Variants in MRC1 observed in about 807,000 individuals in gnomAD.
MRC1 encodes the protein macrophage mannose receptor 1.
MRC1 carries 62 observed loss-of-function variants against 102.9 expected under a neutral mutation model. That is an observed-to-expected ratio of 0.60 (90% CI 0.49 to 0.74). MRC1 has a LOEUF of 0.74. Ranked by LOEUF, MRC1 falls within the 30% of genes least tolerant of loss-of-function variation. The pLI, the probability that MRC1 is intolerant of heterozygous loss-of-function variation, is 0.00. For synonymous variants in MRC1, 457 were observed against 298.4 expected (o/e 1.53, Z -5.48); for missense variants, 1,237 against 862.8 (o/e 1.43, Z -5.43).
intron 1 of MRC1, among the ~76,000 whole-genome samples, chr10:17,813,290 A>G (rs1329449071): frequency 6.6e-6 from 1 of 152,156 alleles, no homozygotes; most frequent in Non-Finnish European, 1.5e-5. Context: ...ATTTGGCTGG[A>G]AGGGATCCAA....
intron 12 of MRC1, among the ~76,000 whole-genome samples, 160 bp from the exon 13 acceptor site, chr10:17,870,086 A>G (rs1833333332): frequency 1.3e-5 from 2 of 152,144 alleles, no homozygotes; most frequent in South Asian, 2.1e-4. Context: ...CCAACTATTC[A>G]CTCATAAACT....
intron 3 of MRC1, among the ~76,000 whole-genome samples, chr10:17,830,602 G>A (rs1554838982): frequency 6.6e-6 from 1 of 151,232 alleles, no homozygotes; most frequent in African/African-American, 2.5e-5. Flanking sequence ...GTGAGAACAG[G>A]TAAAGGAAAA....
intron 16 of MRC1, among the ~76,000 whole-genome samples, chr10:17,874,421 T>G (rs1401236641): frequency 2.0e-5 from 3 of 152,168 alleles, no homozygotes; most frequent in African/African-American, 7.2e-5. Context: ...AGGATACTTG[T>G]TACTACATTT....
At chr10:17,819,662 G>A (rs1838366270) in intron 1 of MRC1, among the ~76,000 whole-genome samples, 1 of 152,194 alleles carries the variant, frequency 6.6e-6, no homozygotes, top group Non-Finnish European at 1.5e-5. Flanking sequence ...GCAGTCTAGA[G>A]CTGGGTGAGG....
chr10:17,909,830 C>T (rs968686705), intron 29 of MRC1, among the ~76,000 whole-genome samples: 11 of 151,982 alleles, frequency 7.2e-5, no homozygotes, highest in African/African-American at 2.7e-4. Context: ...TATGAGTTCA[C>T]GTTTCCACTA....
intron 16 of MRC1, among the ~76,000 whole-genome samples, chr10:17,874,106 G>C (rs987288824): frequency 5.3e-5 from 8 of 152,190 alleles, no homozygotes; most frequent in Non-Finnish European, 1.0e-4. Context: ...ACAGGCTGCT[G>C]TAACCAGTTA....
At chr10:17,843,241 G>A (rs1838776744) in intron 5 of MRC1, among the ~76,000 whole-genome samples, 1 of 152,034 alleles carries the variant, frequency 6.6e-6, no homozygotes, top group Admixed American at 6.6e-5. Flanking sequence ...TTGTTTGAAA[G>A]TTTCTTTTTA....
At chr10:17,852,482 G>C (rs2130646611) in intron 7 of MRC1, among the ~76,000 whole-genome samples, 1 of 152,224 alleles carries the variant, frequency 6.6e-6, no homozygotes. Context: ...TTGATAACAA[G>C]AGTCAGTAAA....
At chr10:17,848,321 G>T (rs1589176205) in intron 6 of MRC1, among the ~76,000 whole-genome samples, 1 of 152,116 alleles carries the variant, frequency 6.6e-6, no homozygotes, top group African/African-American at 2.4e-5. Context: ...GTAATAACAA[G>T]CAGCCATATA....
At chr10:17,865,425 G>A (rs1405849522) in intron 11 of MRC1, 1 of 152,242 alleles carries the variant, frequency 6.6e-6, no homozygotes, top group African/African-American at 2.4e-5. Flanking sequence ...TGTAAGTGAA[G>A]CTGCTGAACT....
chr10:17,886,608 G>C (rs1158259051), intron 22 of MRC1, among the ~76,000 whole-genome samples: 5 of 152,094 alleles, frequency 3.3e-5, no homozygotes, highest in African/African-American at 1.2e-4. Flanking sequence ...TACCATATTG[G>C]CCAGGGTGGC....
At position 17,907,140 on chromosome 10, in the gene MRC1, A is replaced by G. The variant is rs941801661; in HGVS notation, c.3913+141A>G. On this transcript the variant is annotated intron_variant, in intron 27 of 29. Coordinates refer to ENST00000569591, the MANE Select transcript of MRC1 (RefSeq NM_002438.4). ...AAATTCAAACTCATATTTTTATTTAAGAACTGAAATTTAAAATGAGTTTCA... is the reference window on the plus strand; with the variant it reads ...AAATTCAAACTCATATTTTTATTTAGGAACTGAAATTTAAAATGAGTTTCA... 1.9e-5 allele frequency: 13 copies of G among 672,454 alleles called. No individual in the cohort carries two copies. The African/African-American group carries it at 2.2e-4, about 11-fold the overall frequency. The allele number at this position is 672,454 out of a possible 1,614,324, so 41.7% of individuals were successfully genotyped here. A position where few individuals can be genotyped will look rare whatever the true frequency, so the allele number is the denominator to read the frequency against.
intron 3 of MRC1, among the ~76,000 whole-genome samples, chr10:17,832,553 T>A (rs1488403940): frequency 6.7e-5 from 10 of 148,376 alleles, no homozygotes; most frequent in African/African-American, 2.3e-4. Context: ...AGACTCTGTC[T>A]CAAACAAAAC....
At chr10:17,827,449 G>GTAAGAT in intron 2 of MRC1, 93 bp from the exon 3 acceptor site, 1 of 591,220 alleles carries the variant, frequency 1.7e-6, no homozygotes, top group Non-Finnish European at 3.2e-6. Context: ...AATCAGAACA[G>GTAAGAT]TAAGACCAAT....
chr10:17,866,785 T>C, intron 12 of MRC1, 24 bp downstream of exon 12: 1 of 780,760 alleles, frequency 1.3e-6, no homozygotes, highest in Non-Finnish European at 2.4e-6. Flanking sequence ...ATAAAGCTGG[T>C]AAGAGAATCT....
At chr10:17,828,006 T>C (rs1838507197) in intron 3 of MRC1, among the ~76,000 whole-genome samples, 1 of 152,218 alleles carries the variant, frequency 6.6e-6, no homozygotes, top group African/African-American at 2.4e-5. Flanking sequence ...CAGCATTCCC[T>C]GAGATCATGC....
At chr10:17,898,333 C>T in intron 24 of MRC1, 67 bp downstream of exon 24, 1 of 780,256 alleles carries the variant, frequency 1.3e-6, no homozygotes, top group Non-Finnish European at 2.4e-6. Context: ...GATTATCTTT[C>T]TGTTTGTTCT....
chr10:17,902,905 C>T (rs1241727271), intron 26 of MRC1, among the ~76,000 whole-genome samples: 1 of 151,936 alleles, frequency 6.6e-6, no homozygotes, highest in East Asian at 1.9e-4. Context: ...TACTTTGGGG[C>T]CCTGTTGTTA....
chr10:17,889,908 C>T (rs1435212723), intron 22 of MRC1, among the ~76,000 whole-genome samples: 4 of 152,012 alleles, frequency 2.6e-5, no homozygotes, highest in African/African-American at 4.8e-5. Flanking sequence ...TTCATTTATT[C>T]CTTCTCTAAT....
Sources: gnomAD v4.1 joint callset for allele counts (sites outside exome capture counted in the v4.1 genomes callset) on GRCh38, gnomAD v4.1.1 for gene constraint, MANE v1.5 for transcripts, NCBI Gene and HGNC (gene_info 2026-07-23, HGNC 2026-07-21) for gene names.